Variants in ADAR observed in about 807,000 individuals in gnomAD.
ADAR encodes the protein double-stranded RNA-specific adenosine deaminase.
ADAR carries 41 observed loss-of-function variants against 113.2 expected under a neutral mutation model. The observed-to-expected ratio is 0.36, with a 90% confidence interval of 0.28 to 0.47. The LOEUF (loss-of-function observed/expected upper bound fraction) is 0.47. ADAR is among the 20% of genes least tolerant of loss of function. The pLI, the probability that ADAR is intolerant of heterozygous loss-of-function variation, is 1.00. For missense variants in ADAR, 1,242 were observed against 1,540.9 expected (o/e 0.81, Z 3.25); for synonymous variants, 605 against 572.6 (o/e 1.06, Z -0.81).
At chr1:154,600,982 C>T (rs1351173405) in intron 2 of ADAR, 59 bp downstream of exon 2, 19 of 1,607,126 alleles carry the variant, frequency 1.2e-5, no homozygotes, top group Middle Eastern at 4.1e-4. Context: ...GCCAAGACTG[C>T]GTCAGGAGCA....
Position 154,601,844 on chromosome 1 carries a change from G to A in ADAR, c.798C>T (p.Ser266=). The A allele has an allele frequency of 1.2e-6, 2 of 1,614,230 alleles. No homozygotes were observed. Among genetic ancestry groups the A allele is most frequent in the Non-Finnish European group, 1.7e-6 (2 of 1,180,042 alleles). The part of the protein sequence containing the change: ...HSGVVRPDSH[S]QGSPNSDPGL... ...CTGGGTCTGAGTTTGGGGATCCTTG[G>A]CTATGACTGTCTGGTCTTACCACTC... Residue 266 remains serine, a synonymous_variant, in exon 2 of 15, where the codon AGC becomes AGT. Coordinates refer to ENST00000368474, the MANE Select transcript of ADAR (RefSeq NM_001111.5). The surrounding 1 kb of genome is among the most constrained non-coding windows in gnomAD (Gnocchi z 4.7).
chr1:154,596,617 TG>T (rs777195215), intron 6 of ADAR, among the ~76,000 whole-genome samples, 187 bp downstream of exon 6: 3 of 152,328 alleles, frequency 2.0e-5, no homozygotes, highest in East Asian at 1.9e-4. Context: ...TCATGCTTAC[TG>T]GAAGAGTGAA....
intron 1 of ADAR, among the ~76,000 whole-genome samples, chr1:154,616,107 G>A (rs965317860): frequency 2.0e-5 from 3 of 152,178 alleles, no homozygotes; most frequent in Admixed American, 1.3e-4. Context: ...TCCAAGAGGC[G>A]ACAAGGGAGG....
rs1309130363 is a variant in ADAR at position 154,584,114 on chromosome 1, A to G, written c.*692T>C. 1 of 152,288 alleles carries G rather than the reference A, an allele frequency of 6.6e-6. No individual in the cohort carries two copies. Among genetic ancestry groups the G allele is most frequent in the Non-Finnish European group, 1.5e-5 (1 of 68,136 alleles). 9.4% of individuals were successfully genotyped at this position (152,288 alleles called of 1,614,324 possible). On this transcript the variant is annotated 3_prime_UTR_variant, in exon 15 of 15. Coordinates refer to ENST00000368474, the MANE Select transcript of ADAR (RefSeq NM_001111.5). ...TCCCAGCTGCCGGAGAAAGTGATAC[A>G]CTTCCAGGGAAGCAGCTTTCCTTGC...
rs757453863 is a variant in ADAR, at chr1:154,602,486, T to C, written c.156A>G (p.Pro52=). ...KQIEFLKGQL[P]EAPVIGKQTP... Reference sequence around the variant, plus strand: ...TCTGCTTTCCAATCACCGGTGCTTCTGGGAGCTGCCCCTTGAGAAATTCTA... The same window carrying C: ...TCTGCTTTCCAATCACCGGTGCTTCCGGGAGCTGCCCCTTGAGAAATTCTA... Residue 52 remains proline (P), a synonymous_variant, in exon 2 of 15, where the codon CCA becomes CCG. Coordinates refer to ENST00000368474, the MANE Select transcript of ADAR (RefSeq NM_001111.5). 2.5e-6 allele frequency: 4 copies of C among 1,614,068 alleles called. No homozygotes were observed. Among genetic ancestry groups the C allele is most frequent in the East Asian group, 2.2e-5 (1 of 44,900 alleles).
At chr1:154,598,077 T>C in intron 3 of ADAR, 101 bp from the exon 4 acceptor site, 1 of 1,414,138 alleles carries the variant, frequency 7.1e-7, no homozygotes, top group Non-Finnish European at 9.7e-7. Context: ...TCCCACCACC[T>C]GTCAAGGGGT....
At position 154,586,448 on chromosome 1, in the gene ADAR, G is replaced by A. The variant is rs1696769486; in HGVS notation, c.3020-85C>T. 3 of 1,332,434 alleles carry A rather than the reference G, an allele frequency of 2.3e-6. No individual in the cohort carries two copies. The African/African-American group carries it at 4.4e-5, about 19-fold the overall frequency. 82.5% of individuals were successfully genotyped at this position (1,332,434 alleles called of 1,614,324 possible). ...TGGTTTCTATCCTCCTTAAGCTTGG[G>A]CCACAGGCTACATTCATTCATTCTT... On this transcript the variant is annotated intron_variant, in intron 11 of 14. Transcript: ENST00000368474.
intron 1 of ADAR, among the ~76,000 whole-genome samples, chr1:154,620,602 A>G (rs1698764787): frequency 6.6e-6 from 1 of 152,228 alleles, no homozygotes; most frequent in Non-Finnish European, 1.5e-5. Flanking sequence ...CACATGCAAC[A>G]TGGTTGATCC....
At chr1:154,612,094 TACA>T (rs1444563058), upstream of ADAR, among the ~76,000 whole-genome samples, 1 of 152,212 alleles carries the variant, frequency 6.6e-6, no homozygotes, top group Non-Finnish European at 1.5e-5. Flanking sequence ...GATACATGTT[TACA>T]ACAACAGTCT....
At chr1:154,609,953 C>T (rs538883519), upstream of ADAR, among the ~76,000 whole-genome samples, 14 of 152,160 alleles carry the variant, frequency 9.2e-5, no homozygotes, top group Admixed American at 8.5e-4. Context: ...TCCTTATATT[C>T]GCCTTCAGAG....
chr1:154,597,029 A>G (rs1571089847), intron 5 of ADAR, 34 bp from the exon 6 acceptor site: 1 of 1,614,118 alleles, frequency 6.2e-7, no homozygotes, highest in South Asian at 1.1e-5. Context: ...AGGAGCCATA[A>G]ACACTTCAGG....
intron 1 of ADAR, among the ~76,000 whole-genome samples, chr1:154,617,084 C>T (rs943005243): frequency 6.6e-6 from 1 of 152,218 alleles, no homozygotes; most frequent in Non-Finnish European, 1.5e-5. Flanking sequence ...TATCCTGACT[C>T]ATAGACATAG....
chr1:154,595,607 C>T (rs947066802), intron 6 of ADAR, among the ~76,000 whole-genome samples: 3 of 151,448 alleles, frequency 2.0e-5, no homozygotes, highest in Non-Finnish European at 4.4e-5. Flanking sequence ...GTGTTTTAAG[C>T]TAAGTATTAT....
intron 2 of ADAR, among the ~76,000 whole-genome samples, chr1:154,599,788 C>T (rs1295159718): frequency 6.6e-6 from 1 of 152,248 alleles, no homozygotes; most frequent in African/African-American, 2.4e-5. Context: ...CAGGGCCTGA[C>T]CAGCTATCTG....
chr1:154,597,699 G>T, intron 4 of ADAR, 129 bp downstream of exon 4: 1 of 1,263,780 alleles, frequency 7.9e-7, no homozygotes, highest in Non-Finnish European at 1.1e-6. Flanking sequence ...GGACCTCAGA[G>T]CCCTCCTTTC....
At chr1:154,592,715 C>A (rs566498542) in intron 6 of ADAR, among the ~76,000 whole-genome samples, 10 of 152,022 alleles carry the variant, frequency 6.6e-5, no homozygotes, top group Middle Eastern at 3.4e-3. Flanking sequence ...GGAAATGAAG[C>A]GAAGGGGGCA....
Position 154,602,164 on chromosome 1 carries a change from C to G in ADAR, c.478G>C (p.Asp160His), listed in dbSNP as rs1198696359. The G allele has an allele frequency of 6.2e-7, 1 of 1,614,208 alleles. No individual in the cohort carries two copies. Among genetic ancestry groups the G allele is most frequent in the Non-Finnish European group, 8.5e-7 (1 of 1,180,030 alleles). Reference sequence around the variant, plus strand: ...GGAGTCCCAAGTTTCCCAGACAGATCATGTGCTGTGGTGGCCTTCCCTTCC... The same window carrying G: ...GGAGTCCCAAGTTTCCCAGACAGATGATGTGCTGTGGTGGCCTTCCCTTCC... ...LGEGKATTAH[D>H]LSGKLGTPKK... The change falls in exon 2 of 15, where the codon GAT becomes CAT. Residue 160 changes from aspartate (D) to histidine (H), a missense_variant. Physicochemically the swap from Asp to His is moderately conservative, Grantham distance 81. Transcript: ENST00000368474.
chr1:154,607,830 A>G (rs1268285108), intron 1 of ADAR, among the ~76,000 whole-genome samples, 162 bp downstream of exon 1: 1 of 150,810 alleles, frequency 6.6e-6, no homozygotes, highest in Non-Finnish European at 1.5e-5. Context: ...CACACTCACA[A>G]GACGCACAAA....
chr1:154,625,220 C>T (rs1410788611), intron 1 of ADAR, among the ~76,000 whole-genome samples: 2 of 152,120 alleles, frequency 1.3e-5, no homozygotes, highest in East Asian at 3.8e-4. Context: ...TTCTTGCAGC[C>T]AATCCTGGCC....
Sources: allele counts gnomAD v4.1 joint callset (sites outside exome capture counted in the v4.1 genomes callset), GRCh38; gene constraint gnomAD v4.1.1; non-coding constraint Gnocchi (gnomAD v3.1); transcripts MANE v1.5; gene names NCBI Gene and HGNC (gene_info 2026-07-23, HGNC 2026-07-21).